ODAD2: variants seen among roughly 807,000 people sequenced by gnomAD.
ODAD2 encodes the protein outer dynein arm-docking complex subunit 2.
In ODAD2, 89 loss-of-function variants were observed where a neutral mutation model predicts 106.8. The ratio of observed to expected loss-of-function variants is 0.83; its 90% confidence interval spans 0.70 to 0.99. ODAD2 has a LOEUF of 0.99. Among genes scored for constraint, ODAD2 ranks in the 50% least tolerant of loss-of-function variants. ODAD2 has a pLI of 0.00. For missense variants in ODAD2, 1,168 were observed against 1,238.5 expected, an observed-to-expected ratio of 0.94 and a Z score of 0.85; for synonymous variants, 404 against 436.2, an observed-to-expected ratio of 0.93 and a Z score of 0.92.
intron 19 of ODAD2, among the ~76,000 whole-genome samples, chr10:27,831,953 G>T (rs994818853): frequency 4.6e-4 from 70 of 152,228 alleles, no homozygotes; most frequent in Non-Finnish European, 9.6e-4. Context: ...CTAGGTGCCT[G>T]CCTTGACCCA....
chr10:27,945,899 T>C (rs1846881364), intron 10 of ODAD2, among the ~76,000 whole-genome samples: 1 of 152,068 alleles, frequency 6.6e-6, no homozygotes, highest in Admixed American at 6.6e-5. Flanking sequence ...GTGCTGGTAA[T>C]AGACAAGCCT....
At chr10:27,985,499 C>T (rs1849824021) in intron 3 of ODAD2, among the ~76,000 whole-genome samples, 1 of 152,014 alleles carries the variant, frequency 6.6e-6, no homozygotes, top group Admixed American at 6.6e-5. Context: ...TTTAATTGGC[C>T]GTGGGGCATT....
At chr10:27,865,304 T>G (rs1348510776) in intron 17 of ODAD2, among the ~76,000 whole-genome samples, 2 of 152,200 alleles carry the variant, frequency 1.3e-5, no homozygotes, top group African/African-American at 4.8e-5. Context: ...AATATTTGTA[T>G]TTTTAAAAAC....
intron 19 of ODAD2, among the ~76,000 whole-genome samples, chr10:27,856,396 T>G (rs2133277581): frequency 6.6e-6 from 1 of 152,294 alleles, no homozygotes; most frequent in South Asian, 2.1e-4. Context: ...CTTTTGAAAC[T>G]TGCTCTTCCT....
intron 19 of ODAD2, among the ~76,000 whole-genome samples, chr10:27,821,673 G>A (rs1398147625): frequency 4.6e-5 from 7 of 152,144 alleles, no homozygotes; most frequent in Non-Finnish European, 7.4e-5. Context: ...TAATCTCTTT[G>A]TCATAATTAC....
intron 2 of ODAD2, among the ~76,000 whole-genome samples, chr10:27,994,120 T>C (rs1850404760): frequency 6.6e-6 from 1 of 152,056 alleles, no homozygotes; most frequent in Admixed American, 6.6e-5. Flanking sequence ...TGTATATATA[T>C]ATTTTAGCCA....
intron 17 of ODAD2, among the ~76,000 whole-genome samples, chr10:27,866,037 G>A (rs1840413810): frequency 6.6e-6 from 1 of 152,120 alleles, no homozygotes; most frequent in Non-Finnish European, 1.5e-5. Context: ...CTACAATAAA[G>A]ATTTCTGTGT....
chr10:27,830,860 AT>A (rs1223013992), intron 19 of ODAD2, among the ~76,000 whole-genome samples: 1 of 152,220 alleles, frequency 6.6e-6, no homozygotes, highest in Non-Finnish European at 1.5e-5. Flanking sequence ...TTGTGTTAAT[AT>A]GGCTGTCTTC....
rs115867006 is a variant in ODAD2, at chr10:27,994,294, G to A, written c.224+625C>T. Among the ~76,000 whole-genome samples, 537 of 151,870 alleles carry A rather than the reference G, an allele frequency of 3.5e-3. 3 individuals carry two copies. Among genetic ancestry groups the A allele is most frequent in the African/African-American group, 0.012 (479 of 41,392 alleles). Reference sequence around the variant, plus strand: ...TCATCATTCATCACCCCTCCCCGCCGCCTCCTGCTTCTAGCCCAGGAATTG... The same window carrying A: ...TCATCATTCATCACCCCTCCCCGCCACCTCCTGCTTCTAGCCCAGGAATTG... On this transcript the variant is annotated intron_variant, in intron 2 of 19. Transcript: ENST00000305242.
At chr10:27,877,964 CTT>C (rs1390011604) in intron 17 of ODAD2, among the ~76,000 whole-genome samples, 1 of 152,110 alleles carries the variant, frequency 6.6e-6, no homozygotes, top group African/African-American at 2.4e-5. Context: ...AAACAAAAAA[CTT>C]AGCTTTTCTG....
chr10:27,821,265 T>C (rs576027168), intron 19 of ODAD2, among the ~76,000 whole-genome samples: 1 of 152,284 alleles, frequency 6.6e-6, no homozygotes, highest in East Asian at 1.9e-4. Context: ...GTTTTGCCGC[T>C]AACTAACTGT....
chr10:27,983,139 G>T (rs1045617258), intron 6 of ODAD2, among the ~76,000 whole-genome samples: 1 of 152,168 alleles, frequency 6.6e-6, no homozygotes, highest in Non-Finnish European at 1.5e-5. Context: ...GTTGGTTCCA[G>T]TTTCCAGGTT....
intron 17 of ODAD2, among the ~76,000 whole-genome samples, chr10:27,875,911 C>T (rs909927791): frequency 2.0e-5 from 3 of 152,216 alleles, no homozygotes; most frequent in African/African-American, 7.2e-5. Context: ...GCACGCCTGG[C>T]TCGGAGGGTC....
chr10:27,969,940 T>C (rs1384534515), intron 8 of ODAD2, among the ~76,000 whole-genome samples: 2 of 152,020 alleles, frequency 1.3e-5, no homozygotes, highest in East Asian at 3.9e-4. Flanking sequence ...ACGCCATCTC[T>C]ACTAAAAATA....
intron 16 of ODAD2, among the ~76,000 whole-genome samples, chr10:27,932,357 A>C (rs1195345369): frequency 6.6e-6 from 1 of 152,178 alleles, no homozygotes; most frequent in Non-Finnish European, 1.5e-5. Context: ...AGGTACTTGA[A>C]GTATAGTTTC....
intron 10 of ODAD2, among the ~76,000 whole-genome samples, chr10:27,952,997 T>C (rs1032624581): frequency 1.3e-5 from 2 of 152,222 alleles, no homozygotes; most frequent in Admixed American, 6.5e-5. Context: ...GACAGCTTTA[T>C]TGACATATAA....
At chr10:27,925,823 G>A (rs1238565566) in intron 16 of ODAD2, among the ~76,000 whole-genome samples, 1 of 151,948 alleles carries the variant, frequency 6.6e-6, no homozygotes, top group Non-Finnish European at 1.5e-5. Flanking sequence ...ATTCAAGAAG[G>A]TACTAGGGAA....
rs564763713 is a variant in ODAD2 at position 27,828,547 on chromosome 10, C to T, written c.3022-15922G>A. Among the ~76,000 whole-genome samples, 3 of 152,232 alleles carry T rather than the reference C, an allele frequency of 2.0e-5. No homozygotes were observed. The South Asian group carries it at 6.2e-4, about 32-fold the overall frequency. ...AAGTTGAGGTATTTTCTGGCTTTTA[C>T]TTCATTTTCTTAAATATCAAAGGCA... On this transcript the variant is annotated intron_variant, in intron 19 of 19. Coordinates refer to ENST00000305242, the MANE Select transcript of ODAD2 (RefSeq NM_018076.5).
chr10:27,923,160 T>C (rs1844911941), intron 16 of ODAD2, among the ~76,000 whole-genome samples: 2 of 152,194 alleles, frequency 1.3e-5, no homozygotes. Context: ...CTAAACATTA[T>C]TCATATCCAT....
Sources: allele counts gnomAD v4.1 joint callset (sites outside exome capture counted in the v4.1 genomes callset), GRCh38; gene constraint gnomAD v4.1.1; transcripts MANE v1.5; gene names NCBI Gene and HGNC (gene_info 2026-07-23, HGNC 2026-07-21).